RAB3GAP2: variants seen among roughly 807,000 people sequenced by gnomAD.
RAB3GAP2 encodes the protein RAB3 GTPase activating non-catalytic protein subunit 2, also known as rab3 GTPase-activating protein non-catalytic subunit.
In RAB3GAP2, 87 loss-of-function variants were observed where a neutral mutation model predicts 185.3. That is an observed-to-expected ratio of 0.47 (90% CI 0.39 to 0.56). RAB3GAP2 has a LOEUF of 0.56. Among genes scored for constraint, RAB3GAP2 ranks in the 20% least tolerant of loss-of-function variants. RAB3GAP2 has a pLI of 0.00. For missense variants in RAB3GAP2, 1,492 were observed against 1,638.2 expected (o/e 0.91, Z 1.54); for synonymous variants, 554 against 576.1 (o/e 0.96, Z 0.55).
At chr1:220,197,278 G>A (rs930972945) in intron 9 of RAB3GAP2, among the ~76,000 whole-genome samples, 1 of 152,106 alleles carries the variant, frequency 6.6e-6, no homozygotes, top group African/African-American at 2.4e-5. Context: ...GTGAGCCACT[G>A]TGCCCAGCCA....
In RAB3GAP2 at chr1:220,223,655, A is replaced by G. The variant is rs76285875; in HGVS notation, c.180+9144T>C. Reference sequence around the variant, plus strand: ...TCTCACAGTCTTGTTTCCCAATACAATATTTGTTAAAAACATGGGTGGAGA... The same window carrying G: ...TCTCACAGTCTTGTTTCCCAATACAGTATTTGTTAAAAACATGGGTGGAGA... On this transcript the variant is annotated intron_variant, in intron 2 of 34. Transcript: ENST00000358951. Among the ~76,000 whole-genome samples, 774 of 152,160 alleles carry G rather than the reference A, an allele frequency of 5.1e-3. 6 individuals are homozygous for G. The highest frequency in any genetic ancestry group is 0.017 in the African/African-American group (687 of 41,550).
At position 220,195,129 on chromosome 1, in the gene RAB3GAP2, GCTT is replaced by G. The variant is rs774684453; in HGVS notation, c.1076_1078del (p.Glu359del). The G allele has an allele frequency of 1.9e-6, 3 of 1,614,136 alleles. No individual in the cohort carries two copies. The highest frequency in any genetic ancestry group is 2.5e-6 in the Non-Finnish European group (3 of 1,180,002). ...AACCTTCGGCTTTTGCTTTTGGACA[GCTT>G]CTTCTTCGTGCTTACTTTTCCAACC... On this transcript the variant is annotated inframe_deletion, in exon 12 of 35. Transcript: ENST00000358951.
chr1:220,267,050 A>T, intron 1 of RAB3GAP2: 2 of 1,610,186 alleles, frequency 1.2e-6, no homozygotes, highest in South Asian at 2.2e-5. Flanking sequence ...AGGGTGCCAC[A>T]GAGAGTGGTC....
chr1:220,182,659 C>G, intron 20 of RAB3GAP2, 59 bp downstream of exon 20: 1 of 1,331,828 alleles, frequency 7.5e-7, no homozygotes, highest in Non-Finnish European at 1.0e-6. Flanking sequence ...CTATATGTTC[C>G]TACCATGTTT....
At chr1:220,231,055 T>G (rs909472200) in intron 2 of RAB3GAP2, among the ~76,000 whole-genome samples, 2 of 152,230 alleles carry the variant, frequency 1.3e-5, no homozygotes, top group Non-Finnish European at 2.9e-5. Context: ...TACTTCAACC[T>G]ATTCCATAGA....
At chr1:220,200,572 G>C (rs775452512) in intron 9 of RAB3GAP2, 1 of 530,290 alleles carries the variant, frequency 1.9e-6, no homozygotes, top group Non-Finnish European at 3.9e-6. Context: ...TAAATGAATA[G>C]AATAATAGTT....
chr1:220,195,012 GA>G (rs1658696709), intron 12 of RAB3GAP2, 65 bp downstream of exon 12: 1 of 1,458,634 alleles, frequency 6.9e-7, no homozygotes, highest in African/African-American at 1.4e-5. Flanking sequence ...CAAGCACACG[GA>G]AAGACCATAC....
At chr1:220,183,750 T>C (rs1020221988) in intron 19 of RAB3GAP2, among the ~76,000 whole-genome samples, 1 of 152,124 alleles carries the variant, frequency 6.6e-6, no homozygotes, top group African/African-American at 2.4e-5. Flanking sequence ...TGTATGTGGC[T>C]CTCAGGGATA....
intron 27 of RAB3GAP2, among the ~76,000 whole-genome samples, chr1:220,164,473 G>GTTTTTTTTTTTTT (rs35024056): frequency 2.5e-4 from 26 of 105,642 alleles, no homozygotes; most frequent in South Asian, 3.2e-4. Flanking sequence ...TTTTTGTTTT[G>GTTTTTTTTTTTTT]TTTTTTTTTT....
intron 1 of RAB3GAP2, chr1:220,254,201 A>C (rs1659992022): frequency 6.2e-7 from 1 of 1,613,392 alleles, no homozygotes; most frequent in Admixed American, 1.7e-5. Context: ...GATAATAAGG[A>C]GTATGCGGTT....
chr1:220,233,661 A>G (rs980041370), intron 1 of RAB3GAP2, among the ~76,000 whole-genome samples: 1 of 152,198 alleles, frequency 6.6e-6, no homozygotes, highest in Non-Finnish European at 1.5e-5. Context: ...TTTGAACTTT[A>G]TCATCTTTAA....
chr1:220,157,365 G>C lies in RAB3GAP2; in HGVS notation c.3460C>G (p.Leu1154Val). 1 of 1,613,290 alleles carries C rather than the reference G, an allele frequency of 6.2e-7. No individual in the cohort carries two copies. The highest frequency in any genetic ancestry group is 8.5e-7 in the Non-Finnish European group (1 of 1,179,846). ...ALEQKHIHYP[L>V]VEHHSILCSI... ...CACAGGATGGAGTGGTGCTCCACCA[G>C]TGGGTAGTGGATGTGCTTCTGTTCA... Residue 1154 changes from leucine (L) to valine (V), a missense_variant, in exon 31 of 35, where the codon CTG becomes GTG. Coordinates refer to ENST00000358951, the MANE Select transcript of RAB3GAP2 (RefSeq NM_012414.4).
At chr1:220,206,083 G>A (rs1257350034) in intron 7 of RAB3GAP2, 77 bp from the exon 8 acceptor site, 7 of 942,480 alleles carry the variant, frequency 7.4e-6, no homozygotes, top group Admixed American at 4.6e-5. Context: ...TGAATTTCAC[G>A]AATAATGTAA....
chr1:220,196,185 C>A, intron 10 of RAB3GAP2, 65 bp downstream of exon 10: 1 of 1,534,590 alleles, frequency 6.5e-7, no homozygotes, highest in Non-Finnish European at 9.0e-7. Flanking sequence ...GTTACCATAT[C>A]CAATTTGTAG....
intron 21 of RAB3GAP2, among the ~76,000 whole-genome samples, chr1:220,174,641 T>G (rs1658252992): frequency 6.6e-6 from 1 of 151,436 alleles, no homozygotes; most frequent in African/African-American, 2.4e-5. Context: ...TTTGTACCCA[T>G]TAGAAACCTT....
At chr1:220,162,942 CA>C (rs1657988946) in intron 27 of RAB3GAP2, among the ~76,000 whole-genome samples, 1 of 152,000 alleles carries the variant, frequency 6.6e-6, no homozygotes, top group East Asian at 1.9e-4. Context: ...AACAAACAAA[CA>C]AACCAGGCTG....
At chr1:220,216,584 A>C (rs1364105683) in intron 2 of RAB3GAP2, among the ~76,000 whole-genome samples, 1 of 152,192 alleles carries the variant, frequency 6.6e-6, no homozygotes, top group African/African-American at 2.4e-5. Flanking sequence ...ACTTTCAGGT[A>C]GGAGCTTAGA....
chr1:220,166,740 C>T (rs1186763466), intron 26 of RAB3GAP2, among the ~76,000 whole-genome samples: 1 of 152,208 alleles, frequency 6.6e-6, no homozygotes, highest in African/African-American at 2.4e-5. Flanking sequence ...GGACTACAGT[C>T]AACCCTGGTC....
At chr1:220,225,241 C>T (rs534141899) in intron 2 of RAB3GAP2, among the ~76,000 whole-genome samples, 2 of 152,246 alleles carry the variant, frequency 1.3e-5, no homozygotes, top group East Asian at 3.9e-4. Flanking sequence ...TGTTTCCTGG[C>T]AATTACTTAG....
Sources: gnomAD v4.1 joint callset for allele counts (sites outside exome capture counted in the v4.1 genomes callset) on GRCh38, gnomAD v4.1.1 for gene constraint, MANE v1.5 for transcripts, NCBI Gene and HGNC (gene_info 2026-07-23, HGNC 2026-07-21) for gene names.